ZNF638: variants seen among roughly 807,000 people sequenced by gnomAD.
ZNF638 encodes the protein zinc finger protein 638.
In ZNF638, 46 loss-of-function variants were observed where a neutral mutation model predicts 195.6. The ratio of observed to expected loss-of-function variants is 0.24; its 90% CI spans 0.19 to 0.30. ZNF638 has a LOEUF of 0.30. Ranked by LOEUF, ZNF638 falls within the 10% of genes least tolerant of loss-of-function variation. The probability of loss-of-function intolerance (pLI) is 1.00; values close to 1 mark genes in which losing one functional copy is unlikely to be tolerated. For synonymous variants in ZNF638, 845 were observed against 772.0 expected (o/e 1.09, Z -1.57); for missense variants, 2,440 against 2,325.3 (o/e 1.05, Z -1.01).
chr2:71,343,113 G>A (rs1228701787), intron 1 of ZNF638, among the ~76,000 whole-genome samples: 1 of 152,040 alleles, frequency 6.6e-6, no homozygotes, highest in Non-Finnish European at 1.5e-5. Flanking sequence ...CTCAATTCAA[G>A]CATTTCTGTC....
rs749321906 is a variant in ZNF638, at chr2:71,365,418, C to G, written c.1718-11C>G. On this transcript the variant is annotated splice_polypyrimidine_tract_variant and intron_variant, in intron 5 of 27. Transcript: ENST00000264447. Reference sequence around the variant, plus strand: ...TTTCCAATTGAAATTATATTTATATCTTTTTACTAGATAGAAAAAAAGCAT... The same window carrying G: ...TTTCCAATTGAAATTATATTTATATGTTTTTACTAGATAGAAAAAAAGCAT... 3.8e-6 allele frequency: 6 copies of G among 1,560,980 alleles called. No homozygotes were observed. The South Asian group carries it at 7.4e-5, about 19-fold the overall frequency.
rs756536235 is a variant in ZNF638, at chr2:71,365,547, T to C, written c.1836T>C (p.Thr612=). The part of the protein sequence containing the change: ...KGHSPAQKPK[T]SSGTKPSVKP... ...ATTCACCAGCACAAAAGCCTAAAAC[T>C]AGCAGTGGAACAAAACCATCAGTTA... Residue 612 remains threonine (T), a synonymous_variant, in exon 6 of 28, where the codon ACT becomes ACC. Transcript: ENST00000264447. 48 of 1,614,004 alleles carry C rather than the reference T, an allele frequency of 3.0e-5. No individual in the cohort carries two copies. Among genetic ancestry groups the C allele is most frequent in the Non-Finnish European group, 4.1e-5 (48 of 1,180,030 alleles).
At chr2:71,351,540 G>A (rs1387743558) in intron 2 of ZNF638, among the ~76,000 whole-genome samples, 1 of 152,120 alleles carries the variant, frequency 6.6e-6, no homozygotes, top group African/African-American at 2.4e-5. Flanking sequence ...TTGTGACTGG[G>A]CATACCACAT....
chr2:71,411,218 T>C (rs2080214437), intron 20 of ZNF638, among the ~76,000 whole-genome samples: 2 of 150,994 alleles, frequency 1.3e-5, no homozygotes, highest in African/African-American at 4.9e-5. Context: ...CAGGCTGGTC[T>C]CGAACTCCTG....
At position 71,388,133 on chromosome 2, in the gene ZNF638, T is replaced by C. The variant is rs139666360; in HGVS notation, c.2377+7568T>C. The stretch of plus-strand genomic sequence containing the variant: ...TTGGTCAGGGTGGTGGGAAAAGTTA[T>C]AAGGAGAGACGCAAACCTTCTTGGA... On this transcript the variant is annotated intron_variant, in intron 10 of 27. Coordinates refer to ENST00000264447, the MANE Select transcript of ZNF638 (RefSeq NM_014497.5). Among the ~76,000 whole-genome samples the C allele has an allele frequency of 1.8e-3, 273 of 152,268 alleles. 1 individual carries two copies. The highest frequency in any genetic ancestry group is 3.2e-3 in the Non-Finnish European group (215 of 68,010).
At chr2:71,353,016 T>C (rs1182660938) in intron 2 of ZNF638, among the ~76,000 whole-genome samples, 1 of 152,174 alleles carries the variant, frequency 6.6e-6, no homozygotes, top group East Asian at 1.9e-4. Context: ...GATAGGGATT[T>C]GTGAAGATGG....
At chr2:71,332,894 A>G (rs2078597563) in intron 1 of ZNF638, 1 of 152,084 alleles carries the variant, frequency 6.6e-6, no homozygotes, top group Non-Finnish European at 1.5e-5. Context: ...AAAACTTGTC[A>G]CCAGGATCCA....
At chr2:71,414,731 T>C (rs957964199) in intron 20 of ZNF638, among the ~76,000 whole-genome samples, 4 of 123,036 alleles carry the variant, frequency 3.3e-5, no homozygotes, top group Non-Finnish European at 5.1e-5. Flanking sequence ...CATTTCGTTA[T>C]GTACCCAGTA....
intron 18 of ZNF638, 88 bp from the exon 19 acceptor site, chr2:71,406,040 C>A: frequency 6.8e-7 from 1 of 1,471,072 alleles, no homozygotes; most frequent in Non-Finnish European, 9.3e-7. Flanking sequence ...ATCATCTGAC[C>A]TCTGTAATAG....
At chr2:71,370,843 T>C (rs953930209) in intron 8 of ZNF638, among the ~76,000 whole-genome samples, 4 of 152,216 alleles carry the variant, frequency 2.6e-5, no homozygotes, top group East Asian at 3.8e-4. Flanking sequence ...AATCCAGTTA[T>C]ACTCTTATAA....
intron 20 of ZNF638, 88 bp downstream of exon 20, chr2:71,408,335 G>A: frequency 1.4e-6 from 2 of 1,421,120 alleles, no homozygotes; most frequent in South Asian, 2.9e-5. Context: ...AACTGTTTCT[G>A]TGTTTAGAGA....
intron 10 of ZNF638, among the ~76,000 whole-genome samples, chr2:71,394,522 T>G (rs950844380): frequency 1.3e-5 from 2 of 152,174 alleles, no homozygotes; most frequent in Non-Finnish European, 2.9e-5. Context: ...CAGGCTTGCT[T>G]CACCTCATGT....
chr2:71,404,054 T>TA, intron 17 of ZNF638, 56 bp downstream of exon 17: 2 of 1,537,766 alleles, frequency 1.3e-6, no homozygotes, highest in Admixed American at 3.9e-5. Context: ...TCAGATTTGT[T>TA]ACAGTCTGTT....
At chr2:71,399,673 C>G in intron 13 of ZNF638, 28 bp downstream of exon 13, 1 of 1,549,208 alleles carries the variant, frequency 6.5e-7, no homozygotes, top group Non-Finnish European at 8.8e-7. Context: ...TCATTCAGTG[C>G]TTTGTTTTCT....
chr2:71,368,143 T>TA (rs1172353400), intron 6 of ZNF638, among the ~76,000 whole-genome samples: 1 of 152,146 alleles, frequency 6.6e-6, no homozygotes, highest in South Asian at 2.1e-4. Flanking sequence ...ATTTCTGGGT[T>TA]AAAAAATATA....
intron 25 of ZNF638, among the ~76,000 whole-genome samples, chr2:71,430,572 T>C (rs568527595): frequency 5.9e-5 from 9 of 152,340 alleles, no homozygotes; most frequent in African/African-American, 1.9e-4. Flanking sequence ...ACCTTGGGCA[T>C]ATCTGTTTAT....
intron 1 of ZNF638, among the ~76,000 whole-genome samples, chr2:71,346,430 A>C (rs758970228): frequency 3.9e-5 from 6 of 152,172 alleles, no homozygotes; most frequent in Non-Finnish European, 8.8e-5. Flanking sequence ...TTGTTTGGTA[A>C]GCTTGTGTCT....
In ZNF638 at chr2:71,416,989, T is replaced by C. The variant is rs367800447; in HGVS notation, c.3262-1613T>C. ...ACAGAGGCAGGCAGGCCTCCTTGAG[T>C]TGTGGTGGGCTCCACCCAGTTCGAG... On this transcript the variant is annotated intron_variant, in intron 20 of 27. Coordinates refer to ENST00000264447, the MANE Select transcript of ZNF638 (RefSeq NM_014497.5). Among the ~76,000 whole-genome samples, 42 of 149,424 alleles carry C rather than the reference T, an allele frequency of 2.8e-4. 1 individual carries two copies. Among genetic ancestry groups the C allele is most frequent in the African/African-American group, 5.4e-4 (22 of 40,376 alleles).
chr2:71,421,235 C>T (rs1402906759), intron 21 of ZNF638, among the ~76,000 whole-genome samples: 3 of 151,902 alleles, frequency 2.0e-5, no homozygotes, highest in Non-Finnish European at 4.4e-5. Context: ...TATTCATATA[C>T]CTGCTGTAAC....
Sources: allele counts gnomAD v4.1 joint callset (sites outside exome capture counted in the v4.1 genomes callset), GRCh38; gene constraint gnomAD v4.1.1; transcripts MANE v1.5; gene names NCBI Gene and HGNC (gene_info 2026-07-23, HGNC 2026-07-21).